COL18A1: variants seen among roughly 807,000 people sequenced by gnomAD.
The protein encoded by COL18A1 is collagen alpha-1(XVIII) chain.
In COL18A1, 133 loss-of-function variants were observed where a neutral mutation model predicts 168.0. The ratio of observed to expected loss-of-function variants is 0.79; its 90% confidence interval spans 0.69 to 0.91. COL18A1 has a LOEUF of 0.91. Among genes scored for constraint, COL18A1 ranks in the 40% least tolerant of loss-of-function variants. The probability of loss-of-function intolerance (pLI) is 0.00; values close to 1 mark genes in which losing one functional copy is unlikely to be tolerated. For synonymous variants in COL18A1, 949 were observed against 809.0 expected (o/e 1.17, Z -2.94); for missense variants, 2,126 against 1,925.4 (o/e 1.10, Z -1.95).
In COL18A1 at chr21:45,423,036, A is replaced by T. The variant is rs1840335437; in HGVS notation, c.106+17563A>T. Among the ~76,000 whole-genome samples the T allele has an allele frequency of 6.6e-6, 1 of 151,780 alleles. No individual in the cohort carries two copies. The highest frequency in any genetic ancestry group is 6.6e-5 in the Admixed American group (1 of 15,242). ...TCCATGTTGGTCAGGCTGGTCTCTA[A>T]CTCCCGACCTCAGGTGATCTGCCCG... On this transcript the variant is annotated intron_variant, in intron 2 of 41. Coordinates refer to ENST00000651438, the MANE Select transcript of COL18A1 (RefSeq NM_001379500.1). The surrounding 1 kb of genome is among the most constrained non-coding windows in gnomAD (Gnocchi z 4.0).
chr21:45,422,902 C>T (rs1342788555), intron 2 of COL18A1, among the ~76,000 whole-genome samples: 1 of 152,148 alleles, frequency 6.6e-6, no homozygotes, highest in African/African-American at 2.4e-5. Context: ...ATTCTCCTGC[C>T]TCAGCCTCCC....
intron 15 of COL18A1, among the ~76,000 whole-genome samples, chr21:45,484,766 C>CATCTGTGTCTCT (rs1365227521): frequency 6.6e-6 from 1 of 152,210 alleles, no homozygotes; most frequent in African/African-American, 2.4e-5. Flanking sequence ...TGTGTGTGCA[C>CATCTGTGTCTCT]ATCTGTGTCT....
At chr21:45,510,393 C>CG in intron 40 of COL18A1, 132 bp downstream of exon 40, 1 of 1,064,024 alleles carries the variant, frequency 9.4e-7, no homozygotes, top group Admixed American at 2.0e-5. Context: ...CCTAGGCTGG[C>CG]GACTTCAGGG....
chr21:45,489,370 G>T, intron 18 of COL18A1, 116 bp from the exon 19 acceptor site: 1 of 808,504 alleles, frequency 1.2e-6, no homozygotes. Flanking sequence ...TCTGGGCTGG[G>T]GGAGGGCGGT....
At chr21:45,507,682 C>A in intron 38 of COL18A1, 89 bp downstream of exon 38, 1 of 1,242,610 alleles carries the variant, frequency 8.0e-7, no homozygotes, top group South Asian at 1.3e-5. Flanking sequence ...AACACGTGGT[C>A]CTTTGGAGTC....
At chr21:45,490,522 TCCCGGGTCTCTGGGCCTCCGTGTG>T in intron 20 of COL18A1, among the ~76,000 whole-genome samples, 176 bp downstream of exon 20, 4 of 101,834 alleles carry the variant, frequency 3.9e-5, no homozygotes, top group South Asian at 3.2e-4. Flanking sequence ...GTGTGCCCAC[TCCCGGGTCTCTGGGCCTCCGTGTG>T]CCCTCCTGGG....
In COL18A1 at chr21:45,473,408, T is replaced by C. The variant is rs961220677; in HGVS notation, c.652-487T>C. Among the ~76,000 whole-genome samples, 2 of 152,232 alleles carry C rather than the reference T, an allele frequency of 1.3e-5. No individual in the cohort carries two copies. The highest frequency in any genetic ancestry group is 4.8e-5 in the African/African-American group (2 of 41,474). ...GTTTCTGTCCTTGGCTTCTGGGTTT[T>C]GTTTTTGATGAAAAGGTGAAGTTCA... On this transcript the variant is annotated intron_variant, in intron 3 of 41. Transcript: ENST00000651438. This position sits in a 1 kb window ranked among gnomAD's most constrained non-coding sequence, Gnocchi z 4.0.
chr21:45,459,198 C>T (rs1218913905), intron 2 of COL18A1, among the ~76,000 whole-genome samples: 1 of 152,192 alleles, frequency 6.6e-6, no homozygotes, highest in Non-Finnish European at 1.5e-5. Context: ...GGCCTCTCAG[C>T]TCCTCCCCAG....
intron 40 of COL18A1, among the ~76,000 whole-genome samples, chr21:45,510,592 A>T (rs2037523002): frequency 6.6e-6 from 1 of 152,134 alleles, no homozygotes; most frequent in Non-Finnish European, 1.5e-5. Flanking sequence ...GGGCTCACAT[A>T]CAAGCCTGGA....
intron 2 of COL18A1, chr21:45,422,320 C>G: frequency 2.7e-6 from 1 of 375,090 alleles, no homozygotes; most frequent in Non-Finnish European, 5.5e-6. Context: ...TTGGTGGGCT[C>G]TGTCTGTAGA....
intron 2 of COL18A1, chr21:45,424,161 A>G (rs2033711679): frequency 6.6e-6 from 1 of 152,280 alleles, no homozygotes; most frequent in Admixed American, 6.5e-5. Context: ...CACCTCCCGC[A>G]GTGCCCGGTC....
intron 5 of COL18A1, among the ~76,000 whole-genome samples, chr21:45,475,793 A>T (rs918916634): frequency 6.6e-6 from 1 of 152,230 alleles, no homozygotes; most frequent in African/African-American, 2.4e-5. Flanking sequence ...CCTGCCCTGC[A>T]CACTCCTTGG....
chr21:45,450,192 G>A lies in COL18A1; in HGVS notation c.107-18050G>A, dbSNP rs1490985396. ...CAGTCTCTGGTCCCTGGGGAAGGAG[G>A]GGAGGGAGGCCACACCTGAGGGGTC... is the stretch of plus-strand genomic sequence containing the variant. On this transcript the variant is annotated intron_variant, in intron 2 of 41. Coordinates refer to ENST00000651438, the MANE Select transcript of COL18A1 (RefSeq NM_001379500.1). Among the ~76,000 whole-genome samples the A allele has an allele frequency of 3.3e-5, 5 of 152,274 alleles. No homozygotes were observed. The East Asian group carries it at 9.7e-4, about 29-fold the overall frequency.
chr21:45,511,261 G>A lies in COL18A1; in HGVS notation c.3809+35G>A, dbSNP rs1224744825. 10 of 1,229,478 alleles carry A rather than the reference G, an allele frequency of 8.1e-6. No individual in the cohort carries two copies. In the Admixed American group the frequency reaches 1.9e-4, roughly 24 times the overall value. 76.2% of individuals were successfully genotyped at this position (1,229,478 alleles called of 1,614,324 possible). On this transcript the variant is annotated intron_variant, in intron 41 of 41. Transcript: ENST00000651438. The stretch of plus-strand genomic sequence containing the variant: ...CAGTGCCGTGTGAGCAGCTCTGAGA[G>A]CCCCAGCCAGGGAAGGCGGGCGGGC...
chr21:45,501,824 G>C (rs1180243594), intron 32 of COL18A1, among the ~76,000 whole-genome samples: 1 of 54,276 alleles, frequency 1.8e-5, no homozygotes. Context: ...ACCCCCAGGG[G>C]CTCCACAGCC....
Position 45,463,896 on chromosome 21 carries a change from TAA to T in COL18A1, c.107-4335_107-4334del, listed in dbSNP as rs112016235. On this transcript the variant is annotated intron_variant, in intron 2 of 41. Coordinates refer to ENST00000651438, the MANE Select transcript of COL18A1 (RefSeq NM_001379500.1). The surrounding 1 kb of genome is among the most constrained non-coding windows in gnomAD (Gnocchi z 4.0). ...TGGGCAACAAGAGCGAAACTCCATC[TAA>T]AAAAAAAAAAGAAAAGGAAAGAAAT... Among the ~76,000 whole-genome samples the T allele has an allele frequency of 3.5e-5, 5 of 143,314 alleles. No homozygotes were observed. Among genetic ancestry groups the T allele is most frequent in the Admixed American group, 2.1e-4 (3 of 14,336 alleles). 94.0% of individuals were successfully genotyped at this position (143,314 alleles called of 152,430 possible). A position where few individuals can be genotyped will look rare whatever the true frequency, so the allele number is the denominator to read the frequency against.
At chr21:45,487,220 C>T (rs371797485) in intron 16 of COL18A1, among the ~76,000 whole-genome samples, 6 of 152,248 alleles carry the variant, frequency 3.9e-5, no homozygotes, top group Middle Eastern at 3.4e-3. Context: ...CCCCAGCACC[C>T]GTGCCCTGAC....
At chr21:45,494,658 T>G in intron 27 of COL18A1, 87 bp downstream of exon 27, 1 of 1,586,774 alleles carries the variant, frequency 6.3e-7, no homozygotes, top group Non-Finnish European at 8.6e-7. Flanking sequence ...GAGCTTGTGC[T>G]GTGCGGCCCA....
At position 45,510,978 on chromosome 21, in the gene COL18A1, C is replaced by CA. The variant is rs2146135792; in HGVS notation, c.3694-133_3694-132insA. 10 of 20,674 alleles carry CA rather than the reference C, an allele frequency of 4.8e-4. 3 individuals are homozygous for CA. The highest frequency in any genetic ancestry group is 0.023 in the Middle Eastern group (1 of 44). The allele number at this position is 20,674 out of a possible 1,614,324, so 1.3% of individuals were successfully genotyped here. A position where few individuals can be genotyped will look rare whatever the true frequency, so the allele number is the denominator to read the frequency against. On this transcript the variant is annotated intron_variant, in intron 40 of 41. Transcript: ENST00000651438. ...CACCCCACATACACCCCCAAACACC[C>CA]CCCACACCCCACACACACAACACAC...
Sources: gnomAD v4.1 joint callset for allele counts (sites outside exome capture counted in the v4.1 genomes callset) on GRCh38, gnomAD v4.1.1 for gene constraint, Gnocchi (gnomAD v3.1) non-coding constraint, MANE v1.5 for transcripts, NCBI Gene and HGNC (gene_info 2026-07-23, HGNC 2026-07-21) for gene names.